Variants in TTC29 observed in about 807,000 individuals in gnomAD.
TTC29 encodes tetratricopeptide repeat protein 29.
TTC29 carries 49 observed loss-of-function variants against 58.1 expected under a neutral mutation model. The observed-to-expected ratio is 0.84, with a 90% CI of 0.67 to 1.07. TTC29 has a LOEUF of 1.07. Ranked by LOEUF, TTC29 falls within the 50% of genes least tolerant of loss-of-function variation. TTC29 has a pLI of 0.00. For synonymous variants in TTC29, 209 were observed against 196.8 expected (o/e 1.06, Z -0.52); for missense variants, 582 against 555.6 (o/e 1.05, Z -0.48).
In TTC29 at chr4:146,937,651, T is replaced by A. The variant is rs1321478292; in HGVS notation, c.119A>T (p.Asp40Val). The change falls in exon 4 of 13, where the codon GAC (aspartate) becomes GTC (valine). Residue 40 changes from aspartate (D) to valine (V), a missense_variant. Coordinates refer to ENST00000325106, the MANE Select transcript of TTC29 (RefSeq NM_031956.4). The part of the protein sequence containing the change: ...PRSQLIKEKD[D>V]IDHYLEVNFK... ...ATTTACCTCTAGATAATGATCTATG[T>A]CATCTTTTTCTTTGATCAATTGAGA... 6.5e-7 allele frequency: 1 copy of A among 1,534,368 alleles called. No individual in the cohort carries two copies. Among genetic ancestry groups the A allele is most frequent in the East Asian group, 2.4e-5 (1 of 41,596 alleles).
chr4:146,906,525 C>G (rs771448822), intron 5 of TTC29, among the ~76,000 whole-genome samples: 1 of 152,132 alleles, frequency 6.6e-6, no homozygotes, highest in Admixed American at 6.5e-5. Context: ...ATATTCTAGG[C>G]TTACATACAC....
intron 11 of TTC29, among the ~76,000 whole-genome samples, chr4:146,789,864 G>T (rs928092663): frequency 1.3e-4 from 19 of 151,896 alleles, no homozygotes; most frequent in Middle Eastern, 3.4e-3. Context: ...TTTTTGGAAA[G>T]TTAGAGTTCT....
chr4:146,819,668 T>C (rs1751684475), intron 10 of TTC29, among the ~76,000 whole-genome samples: 1 of 152,220 alleles, frequency 6.6e-6, no homozygotes, highest in African/African-American at 2.4e-5. Flanking sequence ...CTAAATTTTC[T>C]GCAGAATTAT....
intron 11 of TTC29, among the ~76,000 whole-genome samples, chr4:146,719,021 T>C (rs1429743411): frequency 3.9e-5 from 6 of 152,172 alleles, no homozygotes; most frequent in Non-Finnish European, 8.8e-5. Flanking sequence ...CATACACACA[T>C]GTGTGGGTTG....
intron 10 of TTC29, among the ~76,000 whole-genome samples, chr4:146,818,048 G>T (rs28867176): frequency 6.6e-6 from 1 of 152,018 alleles, no homozygotes; most frequent in African/African-American, 2.4e-5. Context: ...CTAAAACACC[G>T]AAAGCAATGG....
At chr4:146,875,420 A>G (rs1036222323) in intron 6 of TTC29, among the ~76,000 whole-genome samples, 4 of 152,192 alleles carry the variant, frequency 2.6e-5, no homozygotes, top group East Asian at 1.9e-4. Flanking sequence ...TATAACATCC[A>G]GGAAATCTAA....
At chr4:146,843,546 G>A (rs1334870359) in intron 8 of TTC29, among the ~76,000 whole-genome samples, 1 of 152,070 alleles carries the variant, frequency 6.6e-6, no homozygotes. Context: ...AGTATTGCAA[G>A]ACATGAGCAC....
chr4:146,849,981 T>G (rs1729417423), intron 8 of TTC29, among the ~76,000 whole-genome samples: 1 of 152,186 alleles, frequency 6.6e-6, no homozygotes, highest in African/African-American at 2.4e-5. Flanking sequence ...TCCTGACTCA[T>G]TATTTTGTTG....
chr4:146,936,687 G>T (rs984510091), intron 4 of TTC29, among the ~76,000 whole-genome samples: 2 of 151,936 alleles, frequency 1.3e-5, no homozygotes, highest in Non-Finnish European at 2.9e-5. Flanking sequence ...TATGCAAATT[G>T]ACAAAGATAA....
chr4:146,903,540 T>C lies in TTC29; in HGVS notation c.586+4A>G, dbSNP rs1733300646. 1 of 1,595,726 alleles carries C rather than the reference T, an allele frequency of 6.3e-7. No individual in the cohort carries two copies. On this transcript the variant is annotated splice_donor_region_variant and intron_variant, in intron 6 of 12. Coordinates refer to ENST00000325106, the MANE Select transcript of TTC29 (RefSeq NM_031956.4). ...CCAAGGCATCCTGGCAAATGCCCAC[T>C]CACCATCTTCCTCGTAGAGAAGACC...
chr4:146,757,108 G>C (rs985567189), intron 11 of TTC29, among the ~76,000 whole-genome samples: 2 of 151,818 alleles, frequency 1.3e-5, no homozygotes, highest in African/African-American at 2.4e-5. Flanking sequence ...GAAGAGCCTT[G>C]TTTTGTCATA....
intron 8 of TTC29, among the ~76,000 whole-genome samples, chr4:146,836,259 T>C (rs1055848501): frequency 6.6e-6 from 1 of 152,156 alleles, no homozygotes; most frequent in Admixed American, 6.6e-5. Flanking sequence ...GGACAACTGA[T>C]CTTTTTTGTG....
chr4:146,772,878 G>A (rs1747837335), intron 11 of TTC29, among the ~76,000 whole-genome samples: 1 of 151,922 alleles, frequency 6.6e-6, no homozygotes, highest in South Asian at 2.1e-4. Context: ...CTTTTCATTT[G>A]TGTTATCTCT....
chr4:146,925,579 AG>A (rs1734877657), intron 4 of TTC29, among the ~76,000 whole-genome samples: 1 of 152,170 alleles, frequency 6.6e-6, no homozygotes, highest in Admixed American at 6.6e-5. Flanking sequence ...AATATAGAAA[AG>A]AAATGAGATT....
At chr4:146,718,100 A>G (rs963992637) in intron 11 of TTC29, among the ~76,000 whole-genome samples, 2 of 152,182 alleles carry the variant, frequency 1.3e-5, no homozygotes, top group Non-Finnish European at 2.9e-5. Flanking sequence ...ACTTCATTAT[A>G]TATATATCAC....
rs759283637 is a variant in TTC29 at position 146,903,622 on chromosome 4, C to T, written c.508G>A (p.Ala170Thr). ...CCACAGTCAATTTTGATCAGCTGAG[C>T]AATCTTAAAACATCGTTCATAGAAG... ...NHFYERCFKI[A>T]QLIKIDCGKK... Residue 170 changes from alanine to threonine, a missense_variant, in exon 6 of 13, where the codon GCT becomes ACT. Transcript: ENST00000325106. The T allele has an allele frequency of 6.2e-7, 1 of 1,613,030 alleles. No homozygotes were observed. Among genetic ancestry groups the T allele is most frequent in the Non-Finnish European group, 8.5e-7 (1 of 1,179,464 alleles).
intron 11 of TTC29, among the ~76,000 whole-genome samples, chr4:146,709,739 A>G (rs1742344258): frequency 6.6e-6 from 1 of 152,082 alleles, no homozygotes. Flanking sequence ...ATTTTTCTCA[A>G]ACCTCCCAAC....
At chr4:146,850,966 A>G (rs1729479347) in intron 8 of TTC29, among the ~76,000 whole-genome samples, 1 of 152,132 alleles carries the variant, frequency 6.6e-6, no homozygotes, top group South Asian at 2.1e-4. Flanking sequence ...TAAACATACC[A>G]CTTTTTACTA....
rs569682446 is a variant in TTC29 at position 146,924,594 on chromosome 4, C to T, written c.176+13000G>A. On this transcript the variant is annotated intron_variant, in intron 4 of 12. Coordinates refer to ENST00000325106, the MANE Select transcript of TTC29 (RefSeq NM_031956.4). ...CTGTGTAATCTGTAGTAATATGTCC[C>T]TTTTCATTTCCCAAATTGGTAAACT... is the stretch of plus-strand genomic sequence containing the variant. 3.4e-4 allele frequency among the ~76,000 whole-genome samples: 51 copies of T among 151,878 alleles called. 2 individuals carry two copies. In the South Asian group the frequency reaches 1.0e-2, roughly 30 times the overall value.
Sources: gnomAD v4.1 joint callset for allele counts (sites outside exome capture counted in the v4.1 genomes callset) on GRCh38, gnomAD v4.1.1 for gene constraint, MANE v1.5 for transcripts, NCBI Gene and HGNC (gene_info 2026-07-23, HGNC 2026-07-21) for gene names.